JAK1: variants seen among roughly 807,000 people sequenced by gnomAD.
The protein encoded by JAK1 is tyrosine-protein kinase JAK1.
In JAK1, 16 loss-of-function variants were observed where a neutral mutation model predicts 136.6. That is an observed-to-expected ratio of 0.12 (90% CI 0.08 to 0.18). JAK1 has a LOEUF of 0.18. JAK1 is among the 10% of genes least tolerant of loss of function. The probability of loss-of-function intolerance (pLI) is 1.00; values close to 1 mark genes in which losing one functional copy is unlikely to be tolerated. For missense variants in JAK1, 859 were observed against 1,450.1 expected, an observed-to-expected ratio of 0.59 and a Z score of 6.62; for synonymous variants, 492 against 519.5, an observed-to-expected ratio of 0.95 and a Z score of 0.72.
At chr1:64,837,822 C>G in intron 22 of JAK1, 110 bp downstream of exon 22, 2 of 871,956 alleles carry the variant, frequency 2.3e-6, no homozygotes, top group Non-Finnish European at 3.4e-6. Context: ...CTTCTCTAAC[C>G]TTGAGTCAGG....
chr1:65,040,632 C>T (rs1486527625), intron 2 of JAK1, among the ~76,000 whole-genome samples: 1 of 140,520 alleles, frequency 7.1e-6, no homozygotes, highest in Admixed American at 7.1e-5. Flanking sequence ...CCTACTCAGC[C>T]CTCACATACA....
intron 1 of JAK1, among the ~76,000 whole-genome samples, chr1:65,063,751 G>A (rs1647917506): frequency 7.0e-6 from 1 of 143,428 alleles, no homozygotes; most frequent in South Asian, 2.1e-4. Flanking sequence ...GTTGCAGTGA[G>A]CCAAGATCGC....
intron 1 of JAK1, among the ~76,000 whole-genome samples, chr1:64,935,657 A>C (rs184099599): frequency 6.8e-4 from 103 of 152,270 alleles, no homozygotes; most frequent in Non-Finnish European, 1.1e-3. Context: ...TCCTACTCAG[A>C]CTGAATGAGA....
chr1:64,937,498 C>T (rs1645810548), intron 1 of JAK1, among the ~76,000 whole-genome samples: 2 of 152,160 alleles, frequency 1.3e-5, no homozygotes, highest in Non-Finnish European at 2.9e-5. Context: ...AAATTGAAAG[C>T]CTTTCTAGAA....
chr1:64,919,297 G>A (rs1431927873), intron 1 of JAK1, among the ~76,000 whole-genome samples: 2 of 152,188 alleles, frequency 1.3e-5, no homozygotes, highest in African/African-American at 4.8e-5. Flanking sequence ...ACAGTTTGCT[G>A]AGAGTGACGG....
At chr1:64,941,055 T>C (rs1645881761) in intron 1 of JAK1, among the ~76,000 whole-genome samples, 1 of 152,066 alleles carries the variant, frequency 6.6e-6, no homozygotes. Context: ...TCCCAGCTAC[T>C]TGGAAGGCTG....
chr1:65,038,410 G>C (rs1647097485), intron 2 of JAK1, among the ~76,000 whole-genome samples: 1 of 151,646 alleles, frequency 6.6e-6, no homozygotes, highest in Non-Finnish European at 1.5e-5. Flanking sequence ...TGTTGGTCAG[G>C]CTGGTCTGGA....
At position 64,986,503 on chromosome 1, in the gene JAK1, G is replaced by A. The variant is rs116113130; in HGVS notation, c.-78+57977C>T. On this transcript the variant is annotated intron_variant, in intron 2 of 25. Transcript: ENST00000671954. Reference sequence around the variant, plus strand: ...ATGAAACCTTCAAAATTTCCTTCTCGGCAGCAAGTTTTCTCCAGGTCCTCA... The same window carrying A: ...ATGAAACCTTCAAAATTTCCTTCTCAGCAGCAAGTTTTCTCCAGGTCCTCA... Among the ~76,000 whole-genome samples the A allele has an allele frequency of 4.4e-3, 674 of 152,024 alleles. 4 individuals carry two copies. Among genetic ancestry groups the A allele is most frequent in the African/African-American group, 0.014 (585 of 41,446 alleles).
chr1:64,941,023 G>A (rs1377861085), intron 1 of JAK1, among the ~76,000 whole-genome samples: 1 of 152,102 alleles, frequency 6.6e-6, no homozygotes, highest in Non-Finnish European at 1.5e-5. Context: ...AATTAGCCAG[G>A]CGTGGTGGCG....
At chr1:64,921,047 A>G (rs1222275513) in intron 1 of JAK1, among the ~76,000 whole-genome samples, 1 of 152,238 alleles carries the variant, frequency 6.6e-6, no homozygotes, top group African/African-American at 2.4e-5. Flanking sequence ...TGCTAAAGCC[A>G]AGGAAAATAA....
intron 6 of JAK1, among the ~76,000 whole-genome samples, chr1:64,868,394 G>C (rs1262668846): frequency 1.3e-5 from 2 of 152,000 alleles, no homozygotes; most frequent in Non-Finnish European, 2.9e-5. Flanking sequence ...GTGAAGTTTG[G>C]GATTCATCCT....
chr1:64,845,927 G>A lies in JAK1; in HGVS notation c.1988-287C>T, dbSNP rs900078512. Among the ~76,000 whole-genome samples, 25 of 152,310 alleles carry A rather than the reference G, an allele frequency of 1.6e-4. No individual in the cohort carries two copies. The East Asian group carries it at 1.7e-3, about 11-fold the overall frequency. On this transcript the variant is annotated intron_variant, in intron 14 of 24. Transcript: ENST00000342505. Reference sequence around the variant, plus strand: ...GTCACAAGGCCTGGAAAGCCTTGGCGGAGGGCCTGACACAGAGAACAAGGG... The same window carrying A: ...GTCACAAGGCCTGGAAAGCCTTGGCAGAGGGCCTGACACAGAGAACAAGGG...
chr1:64,938,329 G>A (rs1170571936), intron 1 of JAK1, among the ~76,000 whole-genome samples: 5 of 152,122 alleles, frequency 3.3e-5, no homozygotes, highest in Non-Finnish European at 5.9e-5. Flanking sequence ...ATAATAGAAA[G>A]GCTCTTTTCA....
chr1:64,951,067 C>G (rs1646077807), intron 1 of JAK1, among the ~76,000 whole-genome samples: 1 of 152,162 alleles, frequency 6.6e-6, no homozygotes, highest in Non-Finnish European at 1.5e-5. Flanking sequence ...AACTCAGAAC[C>G]AAATATTCAG....
chr1:64,985,257 T>C (rs187647954), intron 2 of JAK1: 1 of 1,606,782 alleles, frequency 6.2e-7, no homozygotes, highest in East Asian at 2.2e-5. Context: ...AGAGAGCTGC[T>C]GAGAGAGCTG....
intron 3 of JAK1, among the ~76,000 whole-genome samples, chr1:64,882,950 T>C (rs1203583980): frequency 6.6e-6 from 1 of 152,204 alleles, no homozygotes; most frequent in Non-Finnish European, 1.5e-5. Context: ...AGTGCTGATA[T>C]TATTCCAATT....
At chr1:64,929,008 A>G (rs573028868) in intron 1 of JAK1, among the ~76,000 whole-genome samples, 1 of 152,296 alleles carries the variant, frequency 6.6e-6, no homozygotes, top group Admixed American at 6.5e-5. Flanking sequence ...TATCTTGTAA[A>G]TATGTCACTG....
At chr1:64,901,916 G>A (rs1645111344) in intron 1 of JAK1, among the ~76,000 whole-genome samples, 1 of 152,066 alleles carries the variant, frequency 6.6e-6, no homozygotes, top group South Asian at 2.1e-4. Flanking sequence ...TGTCCTCAGG[G>A]GATCCATGCT....
intron 1 of JAK1, among the ~76,000 whole-genome samples, chr1:65,055,246 A>G (rs1041036630): frequency 2.0e-5 from 3 of 152,224 alleles, no homozygotes; most frequent in Non-Finnish European, 2.9e-5. Flanking sequence ...GAGTGGAATC[A>G]TAACAGTATA....
Sources: allele counts gnomAD v4.1 joint callset (sites outside exome capture counted in the v4.1 genomes callset), GRCh38; gene constraint gnomAD v4.1.1; transcripts MANE v1.5; gene names NCBI Gene and HGNC (gene_info 2026-07-23, HGNC 2026-07-21).